Variants in NAALADL2 observed in about 807,000 individuals in gnomAD.
NAALADL2 encodes the protein N-acetylated alpha-linked acidic dipeptidase like 2.
NAALADL2 carries 76 observed loss-of-function variants against 87.2 expected under a neutral mutation model. The observed-to-expected ratio is 0.87, with a 90% confidence interval of 0.72 to 1.05. The LOEUF is 1.05. NAALADL2 is among the 50% of genes least tolerant of loss of function. NAALADL2 has a pLI of 0.00. For synonymous variants in NAALADL2, 354 were observed against 331.0 expected (o/e 1.07, Z -0.75); for missense variants, 1,089 against 945.8 (o/e 1.15, Z -1.99).
At chr3:174,881,203 C>A (rs1156824789) in intron 1 of NAALADL2, among the ~76,000 whole-genome samples, 1 of 152,070 alleles carries the variant, frequency 6.6e-6, no homozygotes, top group Non-Finnish European at 1.5e-5. Context: ...TATCATTAAG[C>A]TTAGCATGGA....
intron 3 of NAALADL2, among the ~76,000 whole-genome samples, chr3:174,828,499 C>G (rs770756529): frequency 1.3e-5 from 2 of 152,066 alleles, no homozygotes; most frequent in Admixed American, 6.5e-5. Flanking sequence ...GCCTTCAGAA[C>G]GAGTGAAACT....
chr3:175,793,304 TTTC>T (rs1330730771), intron 13 of NAALADL2, among the ~76,000 whole-genome samples: 38 of 133,038 alleles, frequency 2.9e-4, no homozygotes, highest in South Asian at 4.6e-4. Flanking sequence ...CAGCATTTTC[TTTC>T]TTTTTTTTTT....
chr3:175,417,876 AG>A (rs1714947535), intron 5 of NAALADL2, among the ~76,000 whole-genome samples: 1 of 152,196 alleles, frequency 6.6e-6, no homozygotes, highest in South Asian at 2.1e-4. Flanking sequence ...GCTATGGAAA[AG>A]TAGCTCCTTT....
At chr3:175,672,538 A>G (rs1157807078) in intron 11 of NAALADL2, among the ~76,000 whole-genome samples, 1 of 152,158 alleles carries the variant, frequency 6.6e-6, no homozygotes, top group African/African-American at 2.4e-5. Flanking sequence ...AGAAAAAGAC[A>G]GGGAAAGTAA....
At chr3:174,609,265 G>A (rs1297223216) in intron 2 of NAALADL2, among the ~76,000 whole-genome samples, 1 of 152,120 alleles carries the variant, frequency 6.6e-6, no homozygotes, top group African/African-American at 2.4e-5. Flanking sequence ...AGACAGGGAT[G>A]CCCTCTCTCA....
chr3:174,555,050 C>A (rs1444478903), intron 2 of NAALADL2, among the ~76,000 whole-genome samples: 2 of 152,170 alleles, frequency 1.3e-5, no homozygotes, highest in Non-Finnish European at 2.9e-5. Context: ...ATGACCTAGT[C>A]ACCTACTAAA....
chr3:174,498,450 T>C (rs1718683156), intron 1 of NAALADL2, among the ~76,000 whole-genome samples: 1 of 151,932 alleles, frequency 6.6e-6, no homozygotes, highest in Admixed American at 6.6e-5. Context: ...TCCTTGTTAA[T>C]AAACATTTGA....
chr3:175,782,560 TTTTTC>T (rs1354313912), intron 13 of NAALADL2, among the ~76,000 whole-genome samples: 2 of 144,386 alleles, frequency 1.4e-5, no homozygotes, highest in African/African-American at 5.5e-5. Flanking sequence ...GTTGTTTGTT[TTTTTC>T]TTGTAAATTT....
chr3:174,876,246 A>G (rs373966355), intron 1 of NAALADL2, among the ~76,000 whole-genome samples: 2 of 152,276 alleles, frequency 1.3e-5, no homozygotes, highest in East Asian at 3.9e-4. Flanking sequence ...CTCTTATTCT[A>G]AGGCTCTGTA....
At chr3:174,941,446 A>G (rs1159033826) in intron 1 of NAALADL2, among the ~76,000 whole-genome samples, 2 of 152,000 alleles carry the variant, frequency 1.3e-5, no homozygotes, top group Non-Finnish European at 1.5e-5. Flanking sequence ...TATGTGCCGT[A>G]TGGTGATGAG....
chr3:174,846,530 T>A (rs1297808537), intron 3 of NAALADL2, among the ~76,000 whole-genome samples: 1 of 152,192 alleles, frequency 6.6e-6, no homozygotes, highest in Admixed American at 6.5e-5. Context: ...ATTAAAAGTT[T>A]AGTTAGTAGT....
rs534139351 is a variant in NAALADL2, at chr3:174,627,143, C to T, written c.-115+76506C>T. Among the ~76,000 whole-genome samples, 15 of 152,092 alleles carry T rather than the reference C, an allele frequency of 9.9e-5. No homozygotes were observed. In the South Asian group the frequency reaches 2.9e-3, roughly 29 times the overall value. ...TATTAAGTATGAATCTATCAGATAT[C>T]TGTAGTATAATAGTATTTTGAAGTA... is the stretch of plus-strand genomic sequence containing the variant. On this transcript the variant is annotated intron_variant, in intron 2 of 3. Coordinates refer to the NAALADL2 transcript ENST00000434257.
chr3:174,958,796 C>A (rs750335165), intron 1 of NAALADL2, among the ~76,000 whole-genome samples: 2 of 151,818 alleles, frequency 1.3e-5, no homozygotes, highest in Non-Finnish European at 2.9e-5. Flanking sequence ...TCAATCAGTG[C>A]GAAGTTGGAA....
At position 174,647,529 on chromosome 3, in the gene NAALADL2, A is replaced by G. The variant is rs1003711561; in HGVS notation, c.-114-90112A>G. Among the ~76,000 whole-genome samples the G allele has an allele frequency of 3.3e-5, 5 of 152,144 alleles. No individual in the cohort carries two copies. The East Asian group carries it at 9.6e-4, about 29-fold the overall frequency. ...GAGACAATCTCAAATTCTAAATTTTATGTGATATGCCTTTGTTTTTAATGT... is the reference window on the plus strand; with the variant it reads ...GAGACAATCTCAAATTCTAAATTTTGTGTGATATGCCTTTGTTTTTAATGT... On this transcript the variant is annotated intron_variant, in intron 2 of 3. Coordinates refer to the NAALADL2 transcript ENST00000434257.
At chr3:175,787,083 C>G (rs185754770) in intron 13 of NAALADL2, among the ~76,000 whole-genome samples, 2,809 of 152,070 alleles carry the variant, frequency 0.018, 97 homozygotes, top group African/African-American at 0.064. Context: ...AGATCTCCAG[C>G]TGTGTGCTGG....
intron 3 of NAALADL2, among the ~76,000 whole-genome samples, chr3:174,755,251 C>T (rs1307354467): frequency 6.6e-6 from 1 of 152,116 alleles, no homozygotes; most frequent in African/African-American, 2.4e-5. Context: ...TGTAAGTTTC[C>T]CAAGGCCTCG....
chr3:175,453,323 AC>A (rs1289585469), intron 6 of NAALADL2, among the ~76,000 whole-genome samples: 1 of 152,126 alleles, frequency 6.6e-6, no homozygotes, highest in Non-Finnish European at 1.5e-5. Flanking sequence ...CGGATTCCTC[AC>A]TGCCTTTGTG....
At chr3:175,136,820 AC>A (rs1729185434) in intron 2 of NAALADL2, among the ~76,000 whole-genome samples, 1 of 152,148 alleles carries the variant, frequency 6.6e-6, no homozygotes, top group East Asian at 1.9e-4. Context: ...GGTCACAGTG[AC>A]CTTGTGTTTC....
At chr3:175,098,462 G>C (rs1721533513) in intron 2 of NAALADL2, among the ~76,000 whole-genome samples, 1 of 152,112 alleles carries the variant, frequency 6.6e-6, no homozygotes, top group Non-Finnish European at 1.5e-5. Flanking sequence ...AGTCTAGAGG[G>C]AGAAAGTGAT....
Sources: allele counts gnomAD v4.1 joint callset (sites outside exome capture counted in the v4.1 genomes callset), GRCh38; gene constraint gnomAD v4.1.1; transcripts MANE v1.5; gene names NCBI Gene and HGNC (gene_info 2026-07-23, HGNC 2026-07-21).